The following USH2A variants were observed in gnomAD, a reference collection of about 807,000 sequenced individuals.
The protein encoded by USH2A is Usher syndrome 2A (autosomal recessive, mild).
Under a neutral mutation model 538.9 loss-of-function variants are expected in USH2A, and 443 were observed. The observed-to-expected ratio is 0.82, with a 90% CI of 0.76 to 0.89. The LOEUF (loss-of-function observed/expected upper bound fraction) is 0.89, where lower values mean the gene tolerates loss of function less well. Ranked by LOEUF, USH2A falls within the 40% of genes least tolerant of loss-of-function variation. The pLI, the probability that USH2A is intolerant of heterozygous loss-of-function variation, is 0.00. For missense variants in USH2A, 6,633 were observed against 6,324.8 expected (o/e 1.05, Z -1.65); for synonymous variants, 2,413 against 2,273.5 (o/e 1.06, Z -1.75).
At chr1:216,222,925 C>G (rs2035484660) in intron 14 of USH2A, among the ~76,000 whole-genome samples, 1 of 148,642 alleles carries the variant, frequency 6.7e-6, no homozygotes, top group Admixed American at 6.8e-5. Flanking sequence ...TTGTGGTGAG[C>G]CGAGATTGCA....
intron 61 of USH2A, among the ~76,000 whole-genome samples, chr1:215,716,212 C>T (rs902469825): frequency 2.0e-5 from 3 of 152,200 alleles, no homozygotes; most frequent in Admixed American, 6.5e-5. Flanking sequence ...CGGGGGGGCC[C>T]GCCAAGTAGA....
chr1:216,189,030 A>T (rs2034664924), intron 20 of USH2A, among the ~76,000 whole-genome samples: 1 of 152,002 alleles, frequency 6.6e-6, no homozygotes, highest in African/African-American at 2.4e-5. Context: ...ATAATACAGT[A>T]TACAAAAACA....
chr1:215,968,210 A>C (rs1667402869), intron 36 of USH2A, among the ~76,000 whole-genome samples: 1 of 152,202 alleles, frequency 6.6e-6, no homozygotes. Context: ...GCACATTAGC[A>C]TCTAAAAATT....
chr1:215,727,963 A>G (rs1659876186), intron 61 of USH2A, 67 bp downstream of exon 61: 7 of 1,552,772 alleles, frequency 4.5e-6, no homozygotes, highest in Non-Finnish European at 6.2e-6. Context: ...GAAGTTGGAC[A>G]AGAAAATTAA....
chr1:216,055,354 A>G (rs1272399645), intron 30 of USH2A, among the ~76,000 whole-genome samples: 3 of 152,176 alleles, frequency 2.0e-5, no homozygotes, highest in Non-Finnish European at 2.9e-5. Context: ...TGCTACCTGG[A>G]GACATAATGG....
At chr1:215,961,287 A>C (rs1301737258) in intron 37 of USH2A, among the ~76,000 whole-genome samples, 1 of 151,838 alleles carries the variant, frequency 6.6e-6, no homozygotes, top group Non-Finnish European at 1.5e-5. Flanking sequence ...TATTATCATA[A>C]TTACTTAAAT....
chr1:216,128,330 G>T (rs943775813), intron 21 of USH2A, among the ~76,000 whole-genome samples: 1 of 152,084 alleles, frequency 6.6e-6, no homozygotes, highest in South Asian at 2.1e-4. Flanking sequence ...TAGAGTGTTT[G>T]ATTCTGAAGG....
intron 4 of USH2A, among the ~76,000 whole-genome samples, chr1:216,358,417 T>C (rs2038427203): frequency 6.6e-6 from 1 of 152,088 alleles, no homozygotes; most frequent in Non-Finnish European, 1.5e-5. Context: ...ATTACCTCTT[T>C]TGAAAGAAAC....
In USH2A at chr1:216,422,220, C is replaced by G. The variant is rs761822130; in HGVS notation, c.117G>C (p.Arg39Ser). ...TCTTGAAAGCTCCCACGTTCTCCAGCCTTGGGAAAAGACCTCGTGACTCAG... is the reference window on the plus strand; with the variant it reads ...TCTTGAAAGCTCCCACGTTCTCCAGGCTTGGGAAAAGACCTCGTGACTCAG... Reference protein sequence around the residue: ...SLTESRGLFPRLENVGAFKKV... With the variant: ...SLTESRGLFPSLENVGAFKKV... The change falls in exon 2 of 72, where the codon AGG (arginine) becomes AGC (serine). Residue 39 changes from arginine (R) to serine (S), a missense_variant. Arg to Ser is a moderately radical substitution (Grantham distance 110). Coordinates refer to ENST00000307340, the MANE Select transcript of USH2A (RefSeq NM_206933.4). 4 of 1,612,502 alleles carry G rather than the reference C, an allele frequency of 2.5e-6. No homozygotes were observed. The highest frequency in any genetic ancestry group is 3.4e-6 in the Non-Finnish European group (4 of 1,179,040).
chr1:216,357,108 C>T (rs572893657), intron 4 of USH2A, among the ~76,000 whole-genome samples: 2 of 152,114 alleles, frequency 1.3e-5, no homozygotes, highest in South Asian at 4.1e-4. Flanking sequence ...CCTCTACTAC[C>T]TTATGATTGC....
At chr1:215,839,667 A>G (rs1419444074) in intron 46 of USH2A, among the ~76,000 whole-genome samples, 17 of 152,172 alleles carry the variant, frequency 1.1e-4, no homozygotes, top group Non-Finnish European at 5.9e-5. Context: ...ATGTGCCAAT[A>G]TGTTTTTATT....
At position 215,624,840 on chromosome 1, in the gene USH2A, GAAC is replaced by G. The variant is rs1655956263; in HGVS notation, c.*938_*940del. ...CATGTATATATGTTAATGCTAGAAG[GAAC>G]AGATACATTTTTCCTTTTAAAATTT... On this transcript the variant is annotated 3_prime_UTR_variant, in exon 72 of 72. Transcript: ENST00000307340. 4 of 152,058 alleles carry G rather than the reference GAAC, an allele frequency of 2.6e-5. No individual in the cohort carries two copies. Among genetic ancestry groups the G allele is most frequent in the Admixed American group, 2.0e-4 (3 of 15,232 alleles). The allele number at this position is 152,058 out of a possible 1,614,324, so 9.4% of individuals were successfully genotyped here.
At chr1:216,185,628 A>G (rs1558304502) in intron 20 of USH2A, among the ~76,000 whole-genome samples, 1 of 151,930 alleles carries the variant, frequency 6.6e-6, no homozygotes, top group African/African-American at 2.4e-5. Context: ...GGAATAATAT[A>G]TACTCTCCAA....
chr1:216,187,880 G>A (rs1241456530), intron 20 of USH2A, among the ~76,000 whole-genome samples: 1 of 151,870 alleles, frequency 6.6e-6, no homozygotes, highest in East Asian at 1.9e-4. Flanking sequence ...TTTATATAAG[G>A]TCACACAGCT....
intron 46 of USH2A, among the ~76,000 whole-genome samples, chr1:215,838,992 G>C (rs1230027435): frequency 1.3e-5 from 2 of 152,104 alleles, no homozygotes; most frequent in Non-Finnish European, 2.9e-5. Flanking sequence ...CTGTTCCTTT[G>C]GTGGTTGAGG....
At chr1:215,687,317 C>T (rs1010108421) in intron 61 of USH2A, among the ~76,000 whole-genome samples, 1 of 151,900 alleles carries the variant, frequency 6.6e-6, no homozygotes, top group Admixed American at 6.6e-5. Flanking sequence ...TGCTTTTACT[C>T]CAACAACTCT....
intron 60 of USH2A, among the ~76,000 whole-genome samples, chr1:215,733,239 C>T (rs1482299529): frequency 6.6e-6 from 1 of 151,908 alleles, no homozygotes; most frequent in Non-Finnish European, 1.5e-5. Flanking sequence ...ATTTAAACAA[C>T]CAGATCTCCC....
chr1:215,804,550 G>C lies in USH2A; in HGVS notation c.9740-5425C>G, dbSNP rs200677695. 4.7e-3 allele frequency among the ~76,000 whole-genome samples: 635 copies of C among 134,186 alleles called. 2 individuals carry two copies. Among genetic ancestry groups the C allele is most frequent in the African/African-American group, 8.8e-3 (290 of 32,992 alleles). The allele number at this position is 134,186 out of a possible 152,430, so 88.0% of individuals were successfully genotyped here. A position where few individuals can be genotyped will look rare whatever the true frequency, so the allele number is the denominator to read the frequency against. On this transcript the variant is annotated intron_variant, in intron 49 of 71. Transcript: ENST00000307340. ...ATGAAAAAATGCTCATCATCACTGGGCATCAGAGAAATGCAAGTCAAAACC... is the reference window on the plus strand; with the variant it reads ...ATGAAAAAATGCTCATCATCACTGGCCATCAGAGAAATGCAAGTCAAAACC...
intron 44 of USH2A, among the ~76,000 whole-genome samples, chr1:215,856,234 G>T (rs953413537): frequency 8.5e-5 from 13 of 152,206 alleles, no homozygotes; most frequent in African/African-American, 3.1e-4. Context: ...GAAATAACCA[G>T]CAGAGTAAAT....
Sources: gnomAD v4.1 joint callset for allele counts (sites outside exome capture counted in the v4.1 genomes callset) on GRCh38, gnomAD v4.1.1 for gene constraint, MANE v1.5 for transcripts, NCBI Gene and HGNC (gene_info 2026-07-23, HGNC 2026-07-21) for gene names.